The following PTPRD variants were observed in gnomAD, a reference collection of about 807,000 sequenced individuals.
PTPRD encodes protein tyrosine phosphatase receptor type D.
In PTPRD, 34 loss-of-function variants were observed where a neutral mutation model predicts 214.5. That is an observed-to-expected ratio of 0.16 (90% CI 0.12 to 0.21). The LOEUF is 0.21. Among genes scored for constraint, PTPRD ranks in the 10% least tolerant of loss-of-function variants. The pLI is 1.00. For missense variants in PTPRD, 2,545 were observed against 2,398.7 expected (o/e 1.06, Z -1.27); for synonymous variants, 1,128 against 845.7 (o/e 1.33, Z -5.79).
intron 2 of PTPRD, among the ~76,000 whole-genome samples, chr9:10,376,288 C>T (rs1329691331): frequency 6.6e-6 from 1 of 151,432 alleles, no homozygotes; most frequent in Non-Finnish European, 1.5e-5. Flanking sequence ...AACTTTGGAT[C>T]TGAACAGTGC....
At chr9:8,758,721 T>C (rs774249538) in intron 11 of PTPRD, among the ~76,000 whole-genome samples, 3 of 152,188 alleles carry the variant, frequency 2.0e-5, no homozygotes, top group African/African-American at 7.2e-5. Flanking sequence ...CAAACATTTC[T>C]TGTTTGAGAG....
At chr9:8,832,760 T>A (rs1566456550) in intron 11 of PTPRD, among the ~76,000 whole-genome samples, 1 of 151,398 alleles carries the variant, frequency 6.6e-6, no homozygotes, top group Admixed American at 6.6e-5. Context: ...ATATTCAATA[T>A]TTCTCTAAAT....
intron 2 of PTPRD, among the ~76,000 whole-genome samples, chr9:10,343,260 G>C (rs2154445771): frequency 6.6e-6 from 1 of 152,124 alleles, no homozygotes; most frequent in South Asian, 2.1e-4. Context: ...AGTTTGCTGA[G>C]AATGATGGTT....
rs541832924 is a variant in PTPRD at position 9,110,246 on chromosome 9, T to C, written c.-143+73058A>G. Among the ~76,000 whole-genome samples the C allele has an allele frequency of 3.9e-5, 6 of 152,254 alleles. No homozygotes were observed. The South Asian group carries it at 1.2e-3, about 32-fold the overall frequency. ...ACTTTTAATACTGGTGACACCCAAA[T>C]AAAAACCCCAGCACACGTCTTTAGG... On this transcript the variant is annotated intron_variant, in intron 10 of 45. Transcript: ENST00000381196.
At chr9:10,114,103 T>C (rs1410197606) in intron 3 of PTPRD, among the ~76,000 whole-genome samples, 2 of 152,192 alleles carry the variant, frequency 1.3e-5, no homozygotes, top group Admixed American at 1.3e-4. Flanking sequence ...TTGACAAACA[T>C]GGAACATGCT....
chr9:9,878,650 T>C (rs2067640661), intron 5 of PTPRD, among the ~76,000 whole-genome samples: 1 of 152,174 alleles, frequency 6.6e-6, no homozygotes, highest in Admixed American at 6.5e-5. Context: ...TCTTGGATTG[T>C]TTCTTCATTT....
chr9:8,393,570 G>GTCTT (rs759952303), intron 36 of PTPRD, among the ~76,000 whole-genome samples: 66 of 152,056 alleles, frequency 4.3e-4, no homozygotes, highest in Non-Finnish European at 7.9e-4. Flanking sequence ...GAGTCAGTTG[G>GTCTT]TCTTAGTGTC....
intron 12 of PTPRD, among the ~76,000 whole-genome samples, chr9:8,722,677 C>T (rs1490761233): frequency 1.3e-5 from 2 of 152,132 alleles, no homozygotes; most frequent in Non-Finnish European, 2.9e-5. Flanking sequence ...CTATGTTGAC[C>T]ATCACCCTCC....
At chr9:10,326,290 G>A (rs932940672) in intron 3 of PTPRD, among the ~76,000 whole-genome samples, 3 of 151,688 alleles carry the variant, frequency 2.0e-5, no homozygotes, top group South Asian at 2.1e-4. Flanking sequence ...CTAAACTGAC[G>A]TGGTCATTTT....
chr9:10,303,284 A>C (rs2095927250), intron 3 of PTPRD, among the ~76,000 whole-genome samples: 1 of 152,208 alleles, frequency 6.6e-6, no homozygotes, highest in African/African-American at 2.4e-5. Context: ...AATTTATAGC[A>C]CTAAATACCC....
intron 10 of PTPRD, among the ~76,000 whole-genome samples, chr9:9,097,776 T>C (rs1361383974): frequency 6.6e-6 from 1 of 151,876 alleles, no homozygotes; most frequent in Non-Finnish European, 1.5e-5. Context: ...ACAGATCTTG[T>C]GAGCAGAAGA....
intron 9 of PTPRD, among the ~76,000 whole-genome samples, chr9:9,394,702 T>C (rs1189742299): frequency 6.6e-6 from 1 of 152,114 alleles, no homozygotes; most frequent in Non-Finnish European, 1.5e-5. Flanking sequence ...GTGCATAGAA[T>C]AGTATATATA....
intron 8 of PTPRD, among the ~76,000 whole-genome samples, chr9:9,451,781 A>G (rs1477993128): frequency 6.6e-6 from 1 of 151,688 alleles, no homozygotes; most frequent in Non-Finnish European, 1.5e-5. Context: ...TTTTTTAGAA[A>G]TAAAAAATAC....
chr9:8,396,205 A>G (rs1252878094), intron 36 of PTPRD, among the ~76,000 whole-genome samples: 1 of 152,140 alleles, frequency 6.6e-6, no homozygotes, highest in Non-Finnish European at 1.5e-5. Context: ...AAATGAATCA[A>G]TACATCTGAA....
chr9:9,558,944 C>G (rs934767501), intron 8 of PTPRD, among the ~76,000 whole-genome samples: 1 of 152,198 alleles, frequency 6.6e-6, no homozygotes, highest in Admixed American at 6.5e-5. Flanking sequence ...CTTTTTGTAA[C>G]TCTGCTACTA....
Position 10,530,799 on chromosome 9 carries a change from C to CAAAT in PTPRD, c.-600+81595_-600+81598dup, listed in dbSNP as rs1036884126. 3.3e-5 allele frequency among the ~76,000 whole-genome samples: 5 copies of CAAAT among 152,040 alleles called. No homozygotes were observed. In the South Asian group the frequency reaches 6.2e-4, roughly 19 times the overall value. On this transcript the variant is annotated intron_variant, in intron 2 of 45. Coordinates refer to ENST00000381196, the MANE Select transcript of PTPRD (RefSeq NM_002839.4). Reference sequence around the variant, plus strand: ...AAAATTCACATGTTAAAACAGATATCAAATAAATAAATAAATAAACAGGAG... The same window carrying CAAAT: ...AAAATTCACATGTTAAAACAGATATCAAATAAATAAATAAATAAATAAACAGGAG...
intron 11 of PTPRD, chr9:8,962,114 T>A (rs1313389594): frequency 1.3e-5 from 2 of 152,168 alleles, no homozygotes; most frequent in Non-Finnish European, 2.9e-5. Flanking sequence ...TTTAACAAAC[T>A]TTTATTTAGC....
chr9:10,346,376 G>C (rs1206069291), intron 2 of PTPRD, among the ~76,000 whole-genome samples: 1 of 152,042 alleles, frequency 6.6e-6, no homozygotes, highest in Non-Finnish European at 1.5e-5. Context: ...CAATCAACTA[G>C]GAGGTTCAGA....
At chr9:9,355,300 G>T (rs909526567) in intron 9 of PTPRD, among the ~76,000 whole-genome samples, 1 of 151,630 alleles carries the variant, frequency 6.6e-6, no homozygotes, top group Admixed American at 6.6e-5. Context: ...TGGTACAATG[G>T]TAGAAGCATG....
Sources: allele counts gnomAD v4.1 joint callset (sites outside exome capture counted in the v4.1 genomes callset), GRCh38; gene constraint gnomAD v4.1.1; transcripts MANE v1.5; gene names NCBI Gene and HGNC (gene_info 2026-07-23, HGNC 2026-07-21).